The following ALK variants were observed in gnomAD, a reference collection of about 807,000 sequenced individuals.
The protein encoded by ALK is ALK receptor tyrosine kinase.
In ALK, 74 loss-of-function variants were observed where a neutral mutation model predicts 163.1. The ratio of observed to expected loss-of-function variants is 0.45; its 90% confidence interval spans 0.38 to 0.55. The LOEUF is 0.55. ALK is among the 20% of genes least tolerant of loss of function. The pLI, the probability that ALK is intolerant of heterozygous loss-of-function variation, is 0.00. For synonymous variants in ALK, 960 were observed against 843.2 expected (o/e 1.14, Z -2.40); for missense variants, 2,063 against 2,105.3 (o/e 0.98, Z 0.39).
At chr2:29,282,238 GCA>G (rs1325020744) in intron 9 of ALK, among the ~76,000 whole-genome samples, 1 of 152,184 alleles carries the variant, frequency 6.6e-6, no homozygotes, top group Non-Finnish European at 1.5e-5. Context: ...ATTTCTCGCT[GCA>G]CAGTTAATTT....
chr2:29,289,946 C>T (rs758562700), intron 9 of ALK, among the ~76,000 whole-genome samples: 5 of 152,178 alleles, frequency 3.3e-5, no homozygotes, highest in Admixed American at 6.5e-5. Flanking sequence ...TCTGTGATGC[C>T]GTGGTCTTGT....
At chr2:29,814,484 C>A (rs988978170) in intron 1 of ALK, among the ~76,000 whole-genome samples, 103 of 151,870 alleles carry the variant, frequency 6.8e-4, no homozygotes, top group African/African-American at 2.4e-3. Flanking sequence ...CACAGTGAAA[C>A]CCTGTCTCTA....
intron 1 of ALK, among the ~76,000 whole-genome samples, chr2:29,818,805 C>T (rs1044136869): frequency 6.6e-6 from 1 of 152,240 alleles, no homozygotes; most frequent in African/African-American, 2.4e-5. Context: ...TGCAGCTTGA[C>T]ACCTAGGGTC....
At chr2:29,504,219 C>T (rs776310435) in intron 4 of ALK, among the ~76,000 whole-genome samples, 11 of 151,904 alleles carry the variant, frequency 7.2e-5, no homozygotes, top group Non-Finnish European at 5.9e-5. Context: ...GTACAAAGGG[C>T]CAGTGGCCAG....
chr2:29,509,142 AAG>A (rs1672438250), intron 4 of ALK, among the ~76,000 whole-genome samples: 1 of 152,146 alleles, frequency 6.6e-6, no homozygotes, highest in Admixed American at 6.6e-5. Context: ...CTAGAGGGAA[AAG>A]AGAGTCAATT....
intron 4 of ALK, among the ~76,000 whole-genome samples, chr2:29,515,380 G>C (rs898630738): frequency 1.3e-5 from 2 of 152,106 alleles, no homozygotes; most frequent in Non-Finnish European, 1.5e-5. Flanking sequence ...GACTGTTTCT[G>C]CTTGTCCCCT....
chr2:29,268,313 G>T (rs1334328726), intron 11 of ALK, among the ~76,000 whole-genome samples: 2 of 152,180 alleles, frequency 1.3e-5, no homozygotes, highest in African/African-American at 2.4e-5. Context: ...TGAAAATGAT[G>T]ATTAGTTCAG....
intron 1 of ALK, among the ~76,000 whole-genome samples, chr2:29,809,568 G>A (rs550804105): frequency 8.5e-5 from 13 of 152,306 alleles, no homozygotes; most frequent in Non-Finnish European, 1.5e-4. Flanking sequence ...AGGATAGGAG[G>A]GGGGCTGCCT....
chr2:29,437,263 A>G (rs61004077), intron 4 of ALK, among the ~76,000 whole-genome samples: 1 of 151,776 alleles, frequency 6.6e-6, no homozygotes, highest in African/African-American at 2.4e-5. Flanking sequence ...TGCTGAGTAC[A>G]TCTATTTTTG....
At chr2:29,845,735 C>T (rs934686737) in intron 1 of ALK, among the ~76,000 whole-genome samples, 1 of 152,182 alleles carries the variant, frequency 6.6e-6, no homozygotes, top group South Asian at 2.1e-4. Flanking sequence ...TGCCCGGACA[C>T]ATTTTTTAAC....
Position 29,209,828 on chromosome 2 carries a change from A to T in ALK, c.3794T>A (p.Val1265Glu), listed in dbSNP as rs1669415878. Residue 1265 changes from valine to glutamate, a missense_variant, in exon 25 of 29, where the codon GTG becomes GAG. Around this residue, in one of 5 missense-constraint regions of ALK, gnomAD observed 83 missense variants for 139.7 expected, o/e 0.59. Coordinates refer to ENST00000389048, the MANE Select transcript of ALK (RefSeq NM_004304.5). The part of the protein sequence containing the change: ...CLLTCPGPGR[V>E]AKIGDFGMAR... ...CATCCCGAAGTCTCCAATCTTGGCC[A>T]CTCTTCCAGGGCCTGGACAGGTCAA... 1.2e-6 allele frequency: 2 copies of T among 1,614,004 alleles called. No homozygotes were observed. Among genetic ancestry groups the T allele is most frequent in the Non-Finnish European group, 1.7e-6 (2 of 1,180,008 alleles).
chr2:29,405,887 C>A (rs377744175), intron 4 of ALK, among the ~76,000 whole-genome samples: 1 of 152,154 alleles, frequency 6.6e-6, no homozygotes, highest in Non-Finnish European at 1.5e-5. Context: ...GAATGGATTT[C>A]GGCTGGTTTA....
chr2:29,698,595 T>C (rs931200499), intron 2 of ALK, among the ~76,000 whole-genome samples: 1 of 152,226 alleles, frequency 6.6e-6, no homozygotes, highest in Non-Finnish European at 1.5e-5. Context: ...AGTTGTGTCC[T>C]GCCTGGCAAA....
intron 1 of ALK, among the ~76,000 whole-genome samples, chr2:29,878,797 T>C (rs1267744050): frequency 1.3e-5 from 2 of 152,108 alleles, no homozygotes; most frequent in South Asian, 2.1e-4. Flanking sequence ...GAAAGCATTG[T>C]AGTTGACAGA....
At chr2:29,214,444 G>A (rs11127207) in intron 23 of ALK, among the ~76,000 whole-genome samples, 30,615 of 152,094 alleles carry the variant, frequency 0.2, 4,212 homozygotes, top group Non-Finnish European at 0.29. Context: ...ATCTTCATAA[G>A]CATTTGAATA....
chr2:29,343,643 C>A (rs568140564), intron 5 of ALK, among the ~76,000 whole-genome samples: 4 of 152,148 alleles, frequency 2.6e-5, no homozygotes, highest in Non-Finnish European at 4.4e-5. Context: ...TCTCAGCCAG[C>A]AGCAGGGAAC....
rs1667708986 is a variant in ALK at position 29,911,759 on chromosome 2, C to G, written c.667+8234G>C. Among the ~76,000 whole-genome samples, 4 of 151,896 alleles carry G rather than the reference C, an allele frequency of 2.6e-5. No individual in the cohort carries two copies. The South Asian group carries it at 8.3e-4, about 32-fold the overall frequency. On this transcript the variant is annotated intron_variant, in intron 1 of 28. Transcript: ENST00000389048. ...TTGCAGGATACAATCTCAAATTACTCAACATAAAAGAAAAAAAATGACTAA... is the reference window on the plus strand; with the variant it reads ...TTGCAGGATACAATCTCAAATTACTGAACATAAAAGAAAAAAAATGACTAA...
intron 5 of ALK, among the ~76,000 whole-genome samples, chr2:29,364,449 C>T (rs1218078174): frequency 6.6e-6 from 1 of 152,212 alleles, no homozygotes; most frequent in African/African-American, 2.4e-5. Context: ...CCCTGGCACA[C>T]TTGCAGCAGA....
At chr2:29,758,106 G>A (rs576066878) in intron 1 of ALK, among the ~76,000 whole-genome samples, 2 of 150,812 alleles carry the variant, frequency 1.3e-5, no homozygotes, top group East Asian at 2.0e-4. Flanking sequence ...TGCCTCTTGG[G>A]CTCAAGTGAT....
Sources: gnomAD v4.1 joint callset for allele counts (sites outside exome capture counted in the v4.1 genomes callset) on GRCh38, gnomAD v4.1.1 for gene constraint, gnomAD v4.1.1 regional missense constraint, MANE v1.5 for transcripts, NCBI Gene and HGNC (gene_info 2026-07-23, HGNC 2026-07-21) for gene names.